BRK1: variants seen among roughly 807,000 people sequenced by gnomAD.
The protein encoded by BRK1 is BRICK1 subunit of SCAR/WAVE actin nucleating complex.
BRK1 carries 6 observed loss-of-function variants against 9.9 expected under a neutral mutation model. The ratio of observed to expected loss-of-function variants is 0.60; its 90% CI spans 0.33 to 1.19. The LOEUF (loss-of-function observed/expected upper bound fraction) is 1.19. BRK1 is among the 50% of genes most tolerant of loss of function. BRK1 has a pLI of 0.04. For synonymous variants in BRK1, 44 were observed against 31.9 expected, an observed-to-expected ratio of 1.38 and a Z score of -1.28; for missense variants, 62 against 97.5, an observed-to-expected ratio of 0.64 and a Z score of 1.53.
At chr3:10,126,215 C>A in intron 2 of BRK1, 54 bp from the exon 3 acceptor site, 2 of 1,293,700 alleles carry the variant, frequency 1.5e-6, no homozygotes, top group Non-Finnish European at 2.1e-6. Flanking sequence ...TTTTTTTAGA[C>A]CCCTCTAATC....
At chr3:10,119,223 G>A (rs1190582712) in intron 1 of BRK1, among the ~76,000 whole-genome samples, 1 of 151,708 alleles carries the variant, frequency 6.6e-6, no homozygotes, top group Non-Finnish European at 1.5e-5. Context: ...TTGGGAGGCC[G>A]AGGCAGGTGA....
At chr3:10,119,376 T>G (rs777852635) in intron 1 of BRK1, among the ~76,000 whole-genome samples, 7 of 152,096 alleles carry the variant, frequency 4.6e-5, no homozygotes, top group Non-Finnish European at 8.8e-5. Flanking sequence ...GAGAATCACT[T>G]GAACCCTGGA....
Position 10,126,307 on chromosome 3 carries a change from G to C in BRK1, c.*12G>C. 1 of 1,575,582 alleles carries C rather than the reference G, an allele frequency of 6.3e-7. No individual in the cohort carries two copies. The highest frequency in any genetic ancestry group is 8.6e-7 in the Non-Finnish European group (1 of 1,160,346). Reference sequence around the variant, plus strand: ...AGACACTCACCTAGAACAGTGCCGTGCTGCTGCTGGGAAGTTGCTTTACAC... The same window carrying C: ...AGACACTCACCTAGAACAGTGCCGTCCTGCTGCTGGGAAGTTGCTTTACAC... On this transcript the variant is annotated 3_prime_UTR_variant, in exon 3 of 3. Transcript: ENST00000530758.
intron 1 of BRK1, among the ~76,000 whole-genome samples, chr3:10,121,346 G>A (rs1695752944): frequency 6.6e-6 from 1 of 152,198 alleles, no homozygotes; most frequent in South Asian, 2.1e-4. Flanking sequence ...GAGTTGGGCT[G>A]GAGACCTGGG....
At chr3:10,118,695 C>T (rs1695718134) in intron 1 of BRK1, among the ~76,000 whole-genome samples, 1 of 152,124 alleles carries the variant, frequency 6.6e-6, no homozygotes, top group Non-Finnish European at 1.5e-5. Flanking sequence ...CCATGTTGGC[C>T]ATGCTGCTCT....
At position 10,126,963 on chromosome 3, in the gene BRK1, T is replaced by C. The variant is rs6785976; in HGVS notation, c.*668T>C. On this transcript the variant is annotated 3_prime_UTR_variant, in exon 3 of 3. Coordinates refer to ENST00000530758, the MANE Select transcript of BRK1 (RefSeq NM_018462.5). ...GGTGGGGAGAGGAGCTAGAGATGGG[T>C]TCACTTATTGCACAGAAATGTAATA... The C allele has an allele frequency of 0.16, 24,937 of 152,646 alleles. 2,586 individuals carry two copies. The highest frequency in any genetic ancestry group is 0.29 in the African/African-American group (12,097 of 41,508). The allele number at this position is 152,646 out of a possible 1,614,324, so 9.5% of individuals were successfully genotyped here.
rs1254986785 is a variant in BRK1 at position 10,126,525 on chromosome 3, C to T, written c.*230C>T. 8.6e-6 allele frequency: 4 copies of T among 466,140 alleles called. No homozygotes were observed. Among genetic ancestry groups the T allele is most frequent in the East Asian group, 6.9e-5 (2 of 28,874 alleles). 28.9% of individuals were successfully genotyped at this position (466,140 alleles called of 1,614,324 possible). On this transcript the variant is annotated 3_prime_UTR_variant, in exon 3 of 3. Coordinates refer to ENST00000530758, the MANE Select transcript of BRK1 (RefSeq NM_018462.5). ...AACGACGTTAGGCATTTTACCTTTT[C>T]AGTAACATTTTATACATCTACTTGT...
intron 1 of BRK1, among the ~76,000 whole-genome samples, chr3:10,120,106 T>C (rs1297546900): frequency 9.2e-5 from 14 of 152,060 alleles, no homozygotes; most frequent in Admixed American, 8.5e-4. Context: ...CTCGGCTCAC[T>C]GCAACCTCCG....
Position 10,126,455 on chromosome 3 carries a change from G to GGGTGT in BRK1, c.*169_*173dup. 1 of 617,950 alleles carries GGGTGT rather than the reference G, an allele frequency of 1.6e-6. No homozygotes were observed. Among genetic ancestry groups the GGGTGT allele is most frequent in the Non-Finnish European group, 2.7e-6 (1 of 364,494 alleles). The allele number at this position is 617,950 out of a possible 1,614,324, so 38.3% of individuals were successfully genotyped here. A position where few individuals can be genotyped will look rare whatever the true frequency, so the allele number is the denominator to read the frequency against. On this transcript the variant is annotated 3_prime_UTR_variant, in exon 3 of 3. Transcript: ENST00000530758. The stretch of plus-strand genomic sequence containing the variant: ...TGTGGCCTTTGGGCTCTGCCATCTG[G>GGGTGT]GGTGTGGTGTGGTATGTGGGAAGAA...
intron 1 of BRK1, among the ~76,000 whole-genome samples, chr3:10,124,503 T>C (rs1179054732): frequency 6.6e-6 from 1 of 152,108 alleles, no homozygotes. Flanking sequence ...TTTTGTGGCT[T>C]AAACCACATA....
At chr3:10,119,017 T>G (rs186698699) in intron 1 of BRK1, among the ~76,000 whole-genome samples, 3 of 146,974 alleles carry the variant, frequency 2.0e-5, no homozygotes, top group Admixed American at 1.3e-4. Flanking sequence ...TTGTTTGTTT[T>G]GTTTGTTTTT....
chr3:10,115,712 A>G lies in BRK1; in HGVS notation c.11A>G (p.Gln4Arg), dbSNP rs1695675447. MAGQEDPVQREIHQ... is the reference protein window; with the variant it reads MAGREDPVQREIHQ... ...CCTCAGGCGGCGGCCATGGCGGGAC[A>G]GGAGGATCCGGTGCAGCGGGAGATT... Residue 4 changes from glutamine (Q) to arginine (R), a missense_variant, in exon 1 of 3, where the codon CAG becomes CGG. Coordinates refer to ENST00000530758, the MANE Select transcript of BRK1 (RefSeq NM_018462.5). 6 of 1,612,620 alleles carry G rather than the reference A, an allele frequency of 3.7e-6. No individual in the cohort carries two copies. Among genetic ancestry groups the G allele is most frequent in the Non-Finnish European group, 5.1e-6 (6 of 1,179,262 alleles).
chr3:10,120,133 G>A (rs1319775687), intron 1 of BRK1, among the ~76,000 whole-genome samples: 5 of 151,970 alleles, frequency 3.3e-5, no homozygotes, highest in African/African-American at 4.8e-5. Context: ...GGGTTCAAGC[G>A]ATTCTTCTGC....
At chr3:10,122,583 T>G (rs1695773051) in intron 1 of BRK1, among the ~76,000 whole-genome samples, 1 of 151,982 alleles carries the variant, frequency 6.6e-6, no homozygotes, top group Admixed American at 6.6e-5. Context: ...CACAGTGGCA[T>G]CCACCTACTG....
At position 10,125,671 on chromosome 3, in the gene BRK1, C is replaced by G. The variant is rs764357880; in HGVS notation, c.164C>G (p.Thr55Arg). The G allele has an allele frequency of 6.2e-7, 1 of 1,612,978 alleles. No homozygotes were observed. The highest frequency in any genetic ancestry group is 1.1e-5 in the South Asian group (1 of 90,868). ...CTTGCAACACTAAACGAGAAATTGA[C>G]AGCCCTTGAACGGAGAATAGAGTAC... Reference protein sequence around the residue: ...SRLATLNEKLTALERRIEYIE... With the variant: ...SRLATLNEKLRALERRIEYIE... Residue 55 changes from threonine to arginine, a missense_variant, in exon 2 of 3, where the codon ACA becomes AGA. Transcript: ENST00000530758.
intron 1 of BRK1, 131 bp downstream of exon 1, chr3:10,115,950 G>A: frequency 1.4e-6 from 1 of 711,188 alleles, no homozygotes. Flanking sequence ...CCTCCTTCAG[G>A]TCCCACCTTC....
At chr3:10,126,103 GAA>G (rs891232024) in intron 2 of BRK1, among the ~76,000 whole-genome samples, 164 bp from the exon 3 acceptor site, 2 of 152,026 alleles carry the variant, frequency 1.3e-5, no homozygotes, top group African/African-American at 4.8e-5. Flanking sequence ...AAAAACAAAA[GAA>G]GAGAAAAGTT....
intron 1 of BRK1, among the ~76,000 whole-genome samples, chr3:10,121,215 G>A (rs541693285): frequency 5.4e-4 from 82 of 152,240 alleles, no homozygotes; most frequent in African/African-American, 1.9e-3. Context: ...GAGGTATAAG[G>A]TATCTTTTGG....
At chr3:10,117,626 A>C (rs1381328216) in intron 1 of BRK1, among the ~76,000 whole-genome samples, 1 of 151,846 alleles carries the variant, frequency 6.6e-6, no homozygotes, top group Non-Finnish European at 1.5e-5. Flanking sequence ...CAAACTCCTG[A>C]GCTCAAGTGA....
Sources: gnomAD v4.1 joint callset for allele counts (sites outside exome capture counted in the v4.1 genomes callset) on GRCh38, gnomAD v4.1.1 for gene constraint, MANE v1.5 for transcripts, NCBI Gene and HGNC (gene_info 2026-07-23, HGNC 2026-07-21) for gene names.